The following MCM9 variants were observed in gnomAD, a reference collection of about 807,000 sequenced individuals.
The protein encoded by MCM9 is minichromosome maintenance 9 homologous recombination repair factor.
In MCM9, 55 loss-of-function variants were observed where a neutral mutation model predicts 72.8. The observed-to-expected ratio is 0.76, with a 90% CI of 0.61 to 0.95. The LOEUF is 0.95. MCM9 is among the 40% of genes least tolerant of loss of function. The pLI, the probability that MCM9 is intolerant of heterozygous loss-of-function variation, is 0.00. For missense variants in MCM9, 1,279 were observed against 1,377.0 expected (o/e 0.93, Z 1.13); for synonymous variants, 480 against 503.4 (o/e 0.95, Z 0.62).
chr6:118,847,875 T>C (rs979107542), intron 9 of MCM9, among the ~76,000 whole-genome samples: 1 of 151,932 alleles, frequency 6.6e-6, no homozygotes, highest in Admixed American at 6.5e-5. Context: ...CAGAATGGCA[T>C]CAGATTTGTC....
chr6:118,921,334 A>G (rs906916378), intron 5 of MCM9: 4 of 152,140 alleles, frequency 2.6e-5, no homozygotes, highest in African/African-American at 7.2e-5. Flanking sequence ...TGTAATTACA[A>G]TTCTATTTCT....
intron 4 of MCM9, among the ~76,000 whole-genome samples, chr6:118,922,551 A>G (rs1398795823): frequency 6.6e-6 from 1 of 152,242 alleles, no homozygotes; most frequent in African/African-American, 2.4e-5. Flanking sequence ...GAACATAGGT[A>G]TGGTCATATG....
In MCM9 at chr6:118,913,430, G is replaced by C. The variant is rs1383768639; in HGVS notation, c.905-10C>G. On this transcript the variant is annotated splice_polypyrimidine_tract_variant and intron_variant, in intron 6 of 13. Coordinates refer to ENST00000619706, the MANE Select transcript of MCM9 (RefSeq NM_017696.3). ...AATATTACATTCCTTCCTAGGAAAA[G>C]CAGAAAGATCAGAAATCAGCAATAA... 1.9e-6 allele frequency: 3 copies of C among 1,611,890 alleles called. No homozygotes were observed. The African/African-American group carries it at 4.0e-5, about 22-fold the overall frequency.
At chr6:118,830,095 T>A (rs748368658) in intron 9 of MCM9, among the ~76,000 whole-genome samples, 9 of 152,158 alleles carry the variant, frequency 5.9e-5, no homozygotes, top group Non-Finnish European at 8.8e-5. Context: ...TAGGGATGGA[T>A]GTGACATAAC....
chr6:118,818,191 G>C (rs1773535244), intron 13 of MCM9, among the ~76,000 whole-genome samples: 1 of 152,182 alleles, frequency 6.6e-6, no homozygotes, highest in Non-Finnish European at 1.5e-5. Flanking sequence ...TTTTAGTCAT[G>C]AAGTCTTTGC....
intron 9 of MCM9, among the ~76,000 whole-genome samples, chr6:118,837,773 TC>T (rs1775067243): frequency 6.6e-6 from 1 of 152,206 alleles, no homozygotes; most frequent in Admixed American, 6.5e-5. Context: ...GAGATGGGTC[TC>T]CTGAATACAG....
chr6:118,863,584 C>A lies in MCM9; in HGVS notation c.1151-7039G>T, dbSNP rs560023937. ...CTAAAGCTCATATTAAATCTTAATC[C>A]CCATCATAACAGTATTAAGAGGGTG... is the stretch of plus-strand genomic sequence containing the variant. On this transcript the variant is annotated intron_variant, in intron 8 of 13. Transcript: ENST00000619706. 9.2e-5 allele frequency among the ~76,000 whole-genome samples: 14 copies of A among 152,202 alleles called. 1 individual carries two copies. Among genetic ancestry groups the A allele is most frequent in the African/African-American group, 3.4e-4 (14 of 41,502 alleles).
chr6:118,829,281 T>A, intron 9 of MCM9, 31 bp from the exon 10 acceptor site: 1 of 1,518,038 alleles, frequency 6.6e-7, no homozygotes, highest in South Asian at 1.2e-5. Context: ...ATTCACTGAT[T>A]GTGAGGTTCA....
At chr6:118,818,747 A>T (rs1013925405) in intron 13 of MCM9, among the ~76,000 whole-genome samples, 1 of 152,048 alleles carries the variant, frequency 6.6e-6, no homozygotes, top group African/African-American at 2.4e-5. Flanking sequence ...ATATTGATTC[A>T]CCCTATCCAT....
At chr6:118,912,610 T>C (rs1780635985) in intron 7 of MCM9, 1 of 152,428 alleles carries the variant, frequency 6.6e-6, no homozygotes. Context: ...TACTGTACTA[T>C]ATGGTTTTCG....
intron 8 of MCM9, among the ~76,000 whole-genome samples, chr6:118,888,693 G>A (rs1778757145): frequency 6.6e-6 from 1 of 152,032 alleles, no homozygotes; most frequent in Non-Finnish European, 1.5e-5. Flanking sequence ...TCCATCAACT[G>A]ACAGATAAAT....
At chr6:118,858,046 A>G (rs1776675690) in intron 8 of MCM9, among the ~76,000 whole-genome samples, 1 of 152,182 alleles carries the variant, frequency 6.6e-6, no homozygotes, top group Admixed American at 6.5e-5. Flanking sequence ...TTGTCATACT[A>G]AACTAGGCAA....
chr6:118,934,325 A>C (rs532347437), intron 1 of MCM9: 1 of 152,344 alleles, frequency 6.6e-6, no homozygotes, highest in Non-Finnish European at 1.5e-5. Flanking sequence ...TCATTTCACA[A>C]CTTTCAAGTT....
At chr6:118,844,182 C>G (rs544739617) in intron 9 of MCM9, among the ~76,000 whole-genome samples, 14 of 151,886 alleles carry the variant, frequency 9.2e-5, no homozygotes, top group Middle Eastern at 3.4e-3. Context: ...GACATTTTCT[C>G]AAGAGTTTTG....
At position 118,816,004 on chromosome 6, in the gene MCM9, T is replaced by C; in HGVS notation, c.2252A>G (p.His751Arg). ...AACAGTGTTTTTAGGTTCACTCTGA[T>C]GAGTTGCCATGAAATCAAACCAATC... The part of the protein sequence containing the change: ...SLDWFDFMAT[H>R]QSEPKNTVVV... The change falls in exon 14 of 14, where the codon CAT becomes CGT. Residue 751 changes from histidine to arginine, a missense_variant. By Grantham distance (29) the His-to-Arg change is conservative (BLOSUM62 0). Coordinates refer to ENST00000619706, the MANE Select transcript of MCM9 (RefSeq NM_017696.3). 1 of 1,550,540 alleles carries C rather than the reference T, an allele frequency of 6.4e-7. No individual in the cohort carries two copies. Among genetic ancestry groups the C allele is most frequent in the Non-Finnish European group, 8.7e-7 (1 of 1,146,934 alleles).
intron 3 of MCM9, among the ~76,000 whole-genome samples, chr6:118,925,833 T>C (rs779366189): frequency 1.4e-4 from 22 of 152,192 alleles, no homozygotes; most frequent in Admixed American, 4.6e-4. Flanking sequence ...AACTGGAATA[T>C]ATATTGTAAT....
intron 9 of MCM9, among the ~76,000 whole-genome samples, chr6:118,832,046 C>T (rs1041985851): frequency 1.3e-5 from 2 of 152,120 alleles, no homozygotes; most frequent in Non-Finnish European, 2.9e-5. Flanking sequence ...GGATTTTCGG[C>T]ATCAACTTAT....
intron 8 of MCM9, among the ~76,000 whole-genome samples, chr6:118,904,877 C>T (rs761305613): frequency 2.0e-4 from 30 of 152,182 alleles, no homozygotes; most frequent in Admixed American, 1.4e-3. Flanking sequence ...CTCACTCTGT[C>T]GCCAGGCTGG....
At chr6:118,909,943 C>A (rs939106109) in intron 8 of MCM9, among the ~76,000 whole-genome samples, 2 of 151,788 alleles carry the variant, frequency 1.3e-5, no homozygotes, top group Admixed American at 6.6e-5. Flanking sequence ...ATGGTGAAAC[C>A]CTGTCTCTAC....
Sources: gnomAD v4.1 joint callset for allele counts (sites outside exome capture counted in the v4.1 genomes callset) on GRCh38, gnomAD v4.1.1 for gene constraint, MANE v1.5 for transcripts, NCBI Gene and HGNC (gene_info 2026-07-23, HGNC 2026-07-21) for gene names.